SIN3B: variants seen among roughly 807,000 people sequenced by gnomAD.
SIN3B encodes the protein paired amphipathic helix protein Sin3b.
In SIN3B, 19 loss-of-function variants were observed where a neutral mutation model predicts 120.2. The observed-to-expected ratio is 0.16, with a 90% confidence interval of 0.11 to 0.23. SIN3B has a LOEUF of 0.23. Ranked by LOEUF, SIN3B falls within the 10% of genes least tolerant of loss-of-function variation. The pLI is 1.00. For missense variants in SIN3B, 1,073 were observed against 1,573.0 expected (o/e 0.68, Z 5.38); for synonymous variants, 654 against 653.2 (o/e 1.00, Z -0.02).
chr19:16,861,744 CAA>C (rs1317689521), intron 8 of SIN3B, among the ~76,000 whole-genome samples: 1 of 128,836 alleles, frequency 7.8e-6, no homozygotes, highest in Non-Finnish European at 1.6e-5. Context: ...GCCTGGGCGA[CAA>C]GAGTGAAACT....
At chr19:16,829,592 G>A (rs1466150571) in intron 1 of SIN3B, 52 bp downstream of exon 1, 3 of 1,256,148 alleles carry the variant, frequency 2.4e-6, no homozygotes, top group Non-Finnish European at 3.0e-6. Context: ...GGACCCCGCG[G>A]GCGGGCGCCC....
intron 4 of SIN3B, 65 bp downstream of exon 4, chr19:16,842,033 A>G (rs1971424652): frequency 7.8e-7 from 1 of 1,276,186 alleles, no homozygotes; most frequent in Non-Finnish European, 1.1e-6. Flanking sequence ...CCCTGCAGAT[A>G]TTCAGATTTT....
chr19:16,834,799 G>A (rs1283863227), intron 3 of SIN3B, among the ~76,000 whole-genome samples: 1 of 152,162 alleles, frequency 6.6e-6, no homozygotes, highest in African/African-American at 2.4e-5. Context: ...GACTCGCGTG[G>A]CTTCAGGAGT....
intron 16 of SIN3B, 147 bp from the exon 17 acceptor site, chr19:16,877,398 G>T: frequency 3.2e-6 from 2 of 628,128 alleles, no homozygotes. Context: ...CTCCGTCAGG[G>T]ATCAGAGTCC....
Position 16,871,295 on chromosome 19 carries a change from G to C in SIN3B, c.2489G>C (p.Ser830Thr), listed in dbSNP as rs1354787940. Reference protein sequence around the residue: ...LDMVRSLLEGSIDPTQYEDTL... With the variant: ...LDMVRSLLEGTIDPTQYEDTL... Reference sequence around the variant, plus strand: ...ATGGTGCGGAGCCTGCTGGAGGGCAGCATCGACCCCACGCAGTACGAGGAC... The same window carrying C: ...ATGGTGCGGAGCCTGCTGGAGGGCACCATCGACCCCACGCAGTACGAGGAC... The change falls in exon 14 of 19, where the codon AGC (serine) becomes ACC (threonine). Residue 830 changes from serine (S) to threonine (T), a missense_variant. Coordinates refer to ENST00000248054, the MANE Select transcript of SIN3B (RefSeq NM_001297595.2). 3.7e-6 allele frequency: 6 copies of C among 1,614,196 alleles called. No homozygotes were observed. The highest frequency in any genetic ancestry group is 4.2e-6 in the Non-Finnish European group (5 of 1,180,034).
At chr19:16,860,123 AG>A (rs1971666372) in intron 8 of SIN3B, among the ~76,000 whole-genome samples, 1 of 152,130 alleles carries the variant, frequency 6.6e-6, no homozygotes, top group Admixed American at 6.5e-5. Flanking sequence ...CGTTTGGGGA[AG>A]GGTCTGTATG....
At chr19:16,860,810 G>A (rs1247946496) in intron 8 of SIN3B, among the ~76,000 whole-genome samples, 1 of 151,442 alleles carries the variant, frequency 6.6e-6, no homozygotes, top group African/African-American at 2.4e-5. Context: ...TTTCACCGTG[G>A]TCTCGATCTC....
chr19:16,846,106 C>T (rs143255248), intron 4 of SIN3B, among the ~76,000 whole-genome samples: 7 of 152,302 alleles, frequency 4.6e-5, no homozygotes, highest in East Asian at 3.9e-4. Flanking sequence ...TCAGTGTGGT[C>T]GTTGTTCTGT....
At chr19:16,853,288 G>A (rs1184983943) in intron 7 of SIN3B, 130 bp downstream of exon 7, 68 of 782,266 alleles carry the variant, frequency 8.7e-5, no homozygotes, top group Admixed American at 3.1e-4. Flanking sequence ...TGGATCCGGC[G>A]GGGCTGGCCC....
At chr19:16,831,064 CTT>C (rs34911805) in intron 2 of SIN3B, among the ~76,000 whole-genome samples, 15 of 138,002 alleles carry the variant, frequency 1.1e-4, no homozygotes, top group Non-Finnish European at 1.1e-4. Context: ...CATGGGGGCA[CTT>C]TTTTTTTTTT....
rs559797270 is a variant in SIN3B, at chr19:16,862,641, T to C, written c.1266+82T>C. The stretch of plus-strand genomic sequence containing the variant: ...CAGCAAACACCCGATACCCCCGTTA[T>C]GAATGAAATGCTGTGTGCTCAGCCC... On this transcript the variant is annotated intron_variant, in intron 9 of 18. Coordinates refer to ENST00000248054, the MANE Select transcript of SIN3B (RefSeq NM_001297595.2). The surrounding 1 kb of genome is among the most constrained non-coding windows in gnomAD (Gnocchi z 4.7). 23 of 1,335,436 alleles carry C rather than the reference T, an allele frequency of 1.7e-5. No individual in the cohort carries two copies. The African/African-American group carries it at 3.0e-4, about 18-fold the overall frequency. The allele number at this position is 1,335,436 out of a possible 1,614,324, so 82.7% of individuals were successfully genotyped here.
At chr19:16,846,147 A>G (rs1358347175) in intron 4 of SIN3B, 1 of 152,222 alleles carries the variant, frequency 6.6e-6, no homozygotes, top group Non-Finnish European at 1.5e-5. Context: ...TCTATTTATT[A>G]TCTGAACTGA....
Position 16,878,889 on chromosome 19 carries a change from G to A in SIN3B, c.*162G>A, listed in dbSNP as rs372033884. On this transcript the variant is annotated 3_prime_UTR_variant, in exon 19 of 19. Coordinates refer to ENST00000248054, the MANE Select transcript of SIN3B (RefSeq NM_001297595.2). ...GCAGGACGCCGCCCCCGTGGCTCCC[G>A]GTCTCCTGTGGGCCTGCTGTGTGCC... 3.1e-5 allele frequency: 21 copies of A among 669,060 alleles called. No individual in the cohort carries two copies. The highest frequency in any genetic ancestry group is 2.5e-4 in the South Asian group (13 of 52,076). 41.4% of individuals were successfully genotyped at this position (669,060 alleles called of 1,614,324 possible). A position where few individuals can be genotyped will look rare whatever the true frequency, so the allele number is the denominator to read the frequency against.
chr19:16,846,654 G>C (rs1274353275), intron 4 of SIN3B, among the ~76,000 whole-genome samples: 1 of 152,196 alleles, frequency 6.6e-6, no homozygotes, highest in Non-Finnish European at 1.5e-5. Flanking sequence ...TTTCCCTTGG[G>C]AAGGCCTGGG....
intron 2 of SIN3B, among the ~76,000 whole-genome samples, chr19:16,830,777 A>C (rs1452510336): frequency 6.6e-6 from 1 of 152,214 alleles, no homozygotes; most frequent in Non-Finnish European, 1.5e-5. Context: ...TATGCATTGC[A>C]ATTGTTTGCT....
In SIN3B at chr19:16,851,476, A is replaced by C. The variant is rs1014327928; in HGVS notation, c.791A>C (p.Glu264Ala). ...AAGAACGAGCACGACAAGACCCCGG[A>C]GCACAGCAGGAAGCGCTCCCGGCCC... ...VQKNEHDKTP[E>A]HSRKRSRPSL... Residue 264 changes from glutamate (E) to alanine (A), a missense_variant, in exon 6 of 19, where the codon GAG becomes GCG. Physicochemically the swap from Glu to Ala is moderately radical, Grantham distance 107. This residue lies in a region of SIN3B where 395 missense variants were observed against 528.0 expected (regional missense o/e 0.75). Transcript: ENST00000248054. 1 of 1,610,254 alleles carries C rather than the reference A, an allele frequency of 6.2e-7. No individual in the cohort carries two copies. The highest frequency in any genetic ancestry group is 8.5e-7 in the Non-Finnish European group (1 of 1,178,504).
intron 14 of SIN3B, among the ~76,000 whole-genome samples, chr19:16,875,086 G>A (rs1487250267): frequency 6.7e-6 from 1 of 150,048 alleles, no homozygotes; most frequent in Non-Finnish European, 1.5e-5. Context: ...GGTCTGGTCT[G>A]GTTTAGTTTG....
chr19:16,843,821 G>C (rs920188051), intron 4 of SIN3B, among the ~76,000 whole-genome samples: 43 of 150,720 alleles, frequency 2.9e-4, no homozygotes, highest in African/African-American at 1.0e-3. Flanking sequence ...CCATTCATCA[G>C]GGCCCGCCCG....
At chr19:16,864,200 A>G (rs184817772) in intron 10 of SIN3B, among the ~76,000 whole-genome samples, 1 of 152,262 alleles carries the variant, frequency 6.6e-6, no homozygotes, top group Admixed American at 6.5e-5. Flanking sequence ...AGGCAGAAGC[A>G]GTAGAATTGC....
Sources: allele counts gnomAD v4.1 joint callset (sites outside exome capture counted in the v4.1 genomes callset), GRCh38; gene constraint gnomAD v4.1.1; regional missense constraint gnomAD v4.1.1; non-coding constraint Gnocchi (gnomAD v3.1); transcripts MANE v1.5; gene names NCBI Gene and HGNC (gene_info 2026-07-23, HGNC 2026-07-21).